NAALADL2: variants seen among roughly 807,000 people sequenced by gnomAD.
NAALADL2 encodes inactive N-acetylated-alpha-linked acidic dipeptidase-like protein 2.
In NAALADL2, 76 loss-of-function variants were observed where a neutral mutation model predicts 87.2. The observed-to-expected ratio is 0.87, with a 90% CI of 0.72 to 1.05. The LOEUF is 1.05. Among genes scored for constraint, NAALADL2 ranks in the 50% least tolerant of loss-of-function variants. The pLI is 0.00. For missense variants in NAALADL2, 1,089 were observed against 945.8 expected (o/e 1.15, Z -1.99); for synonymous variants, 354 against 331.0 (o/e 1.07, Z -0.75).
intron 13 of NAALADL2, among the ~76,000 whole-genome samples, chr3:175,802,640 T>C (rs1167589919): frequency 4.9e-5 from 6 of 121,994 alleles, no homozygotes; most frequent in East Asian, 4.6e-4. Flanking sequence ...TAATGACACA[T>C]TGTGGTATAA....
intron 4 of NAALADL2, among the ~76,000 whole-genome samples, chr3:175,308,689 A>T (rs1388289446): frequency 6.6e-6 from 1 of 152,194 alleles, no homozygotes; most frequent in East Asian, 1.9e-4. Flanking sequence ...TGGAATAGGG[A>T]TGCCTTTCTG....
At chr3:175,112,806 A>G (rs959699690) in intron 2 of NAALADL2, among the ~76,000 whole-genome samples, 1 of 151,710 alleles carries the variant, frequency 6.6e-6, no homozygotes, top group African/African-American at 2.4e-5. Context: ...ACTGTAATAT[A>G]GGCATAATGA....
At chr3:174,786,305 G>A (rs143865449) in intron 3 of NAALADL2, among the ~76,000 whole-genome samples, 16,932 of 151,696 alleles carry the variant, frequency 0.11, 1,241 homozygotes, top group Non-Finnish European at 0.15. Flanking sequence ...CAAAAAATTA[G>A]CCGGGTGTGG....
chr3:175,232,720 G>A (rs1745167169), intron 2 of NAALADL2, among the ~76,000 whole-genome samples: 1 of 152,104 alleles, frequency 6.6e-6, no homozygotes. Context: ...GAATAAACAG[G>A]GTCCTGGAGG....
At chr3:174,899,531 C>G (rs188749783) in intron 1 of NAALADL2, among the ~76,000 whole-genome samples, 11 of 152,262 alleles carry the variant, frequency 7.2e-5, no homozygotes, top group African/African-American at 2.6e-4. Context: ...TGCTTCTGCT[C>G]TGGCAAGGTG....
At chr3:175,189,902 G>A (rs1015589624) in intron 2 of NAALADL2, among the ~76,000 whole-genome samples, 59 of 152,052 alleles carry the variant, frequency 3.9e-4, no homozygotes, top group African/African-American at 1.4e-3. Context: ...AAACAAAATA[G>A]ACAGTCCAGA....
At chr3:175,373,537 C>A (rs1307696855) in intron 5 of NAALADL2, among the ~76,000 whole-genome samples, 1 of 152,126 alleles carries the variant, frequency 6.6e-6, no homozygotes, top group Non-Finnish European at 1.5e-5. Flanking sequence ...ATTTTATGCT[C>A]ATATCAGTTT....
chr3:175,745,853 G>T (rs775535678), intron 12 of NAALADL2, among the ~76,000 whole-genome samples: 1 of 152,130 alleles, frequency 6.6e-6, no homozygotes, highest in East Asian at 1.9e-4. Context: ...GTCTAAAACA[G>T]CACTTTAAAA....
chr3:175,363,222 CTG>C (rs1326304698), intron 5 of NAALADL2, among the ~76,000 whole-genome samples: 1 of 147,412 alleles, frequency 6.8e-6, no homozygotes, highest in East Asian at 2.0e-4. Flanking sequence ...TAAAATAACA[CTG>C]TCTTGCTTAA....
intron 2 of NAALADL2, among the ~76,000 whole-genome samples, chr3:174,567,187 T>C (rs760772081): frequency 1.3e-5 from 2 of 151,636 alleles, no homozygotes; most frequent in Non-Finnish European, 3.0e-5. Context: ...ACATGAGTTA[T>C]GACATTTCAT....
chr3:175,471,596 T>C, intron 8 of NAALADL2, 43 bp from the exon 9 acceptor site: 1 of 1,115,710 alleles, frequency 9.0e-7, no homozygotes, highest in Non-Finnish European at 1.3e-6. Context: ...TAGAATCTAT[T>C]TATTTGTCTT....
intron 1 of NAALADL2, among the ~76,000 whole-genome samples, chr3:174,860,482 C>T (rs1440395080): frequency 6.6e-6 from 1 of 151,932 alleles, no homozygotes; most frequent in African/African-American, 2.4e-5. Context: ...TCATTTATTT[C>T]TATGTGTCTT....
intron 3 of NAALADL2, among the ~76,000 whole-genome samples, chr3:174,843,873 T>C (rs950644242): frequency 6.6e-6 from 1 of 152,118 alleles, no homozygotes; most frequent in East Asian, 1.9e-4. Context: ...AAAAAAAAAT[T>C]GGGTTATTTT....
rs1230899849 is a variant in NAALADL2, at chr3:175,097,226, T to C, written c.480T>C (p.Val160=). 2.5e-6 allele frequency: 4 copies of C among 1,613,192 alleles called. No individual in the cohort carries two copies. The African/African-American group carries it at 5.3e-5, about 22-fold the overall frequency. The change falls in exon 2 of 14, where the codon GTT becomes GTC. Residue 160 remains valine, a synonymous_variant. Transcript: ENST00000454872. ...CAGATGCTCCATCTTCAGGAACAGT[T>C]GATCCTCAGTTATATCAAGAGATTC... ...CPSDAPSSGT[V]DPQLYQEILK... is the part of the protein sequence containing the mutation.
chr3:174,942,210 T>G (rs1359511092), intron 1 of NAALADL2, among the ~76,000 whole-genome samples: 1 of 152,182 alleles, frequency 6.6e-6, no homozygotes, highest in African/African-American at 2.4e-5. Flanking sequence ...TAAGGATCTT[T>G]TATAAGGCAG....
intron 9 of NAALADL2, among the ~76,000 whole-genome samples, chr3:175,536,926 G>A (rs1419212001): frequency 6.6e-6 from 1 of 152,174 alleles, no homozygotes; most frequent in Non-Finnish European, 1.5e-5. Context: ...AGCTTGCAAT[G>A]AGCAGAGATC....
At chr3:175,699,006 T>C (rs934524939) in intron 11 of NAALADL2, among the ~76,000 whole-genome samples, 2 of 152,052 alleles carry the variant, frequency 1.3e-5, no homozygotes, top group African/African-American at 4.8e-5. Context: ...TGTCTGGTTC[T>C]GTAAACCAAT....
At chr3:175,374,246 T>C (rs1158422195) in intron 5 of NAALADL2, among the ~76,000 whole-genome samples, 2 of 152,034 alleles carry the variant, frequency 1.3e-5, no homozygotes, top group African/African-American at 4.8e-5. Context: ...TTTTCTTATT[T>C]TTTCTTTTAA....
chr3:175,346,374 T>G (rs758995877), intron 5 of NAALADL2, among the ~76,000 whole-genome samples: 6 of 152,116 alleles, frequency 3.9e-5, no homozygotes, highest in African/African-American at 1.4e-4. Flanking sequence ...ATGTATGATT[T>G]TACCTAAATG....
Sources: gnomAD v4.1 joint callset for allele counts (sites outside exome capture counted in the v4.1 genomes callset) on GRCh38, gnomAD v4.1.1 for gene constraint, MANE v1.5 for transcripts, NCBI Gene and HGNC (gene_info 2026-07-23, HGNC 2026-07-21) for gene names.